Variants in TEX48 observed in about 807,000 individuals in gnomAD.
The protein encoded by TEX48 is testis expressed 48.
Under a neutral mutation model 13.2 loss-of-function variants are expected in TEX48, and 10 were observed. The observed-to-expected ratio is 0.75, with a 90% CI of 0.47 to 1.28. TEX48 has a LOEUF of 1.28. TEX48 is among the 50% of genes most tolerant of loss of function. TEX48 has a pLI of 0.00. For synonymous variants in TEX48, 45 were observed against 52.3 expected, an observed-to-expected ratio of 0.86 and a Z score of 0.60; for missense variants, 116 against 139.4, an observed-to-expected ratio of 0.83 and a Z score of 0.84.
chr9:114,681,796 A>G (rs969872565), intron 1 of TEX48, among the ~76,000 whole-genome samples: 8 of 131,558 alleles, frequency 6.1e-5, no homozygotes, highest in Non-Finnish European at 7.9e-5. Flanking sequence ...AGAAAGATGA[A>G]TGAGGTCAAA....
intron 1 of TEX48, among the ~76,000 whole-genome samples, chr9:114,678,188 TC>T (rs1828111834): frequency 6.6e-6 from 1 of 150,674 alleles, no homozygotes; most frequent in South Asian, 2.1e-4. Context: ...AAGACCTTAC[TC>T]TTACTCAAAC....
At position 114,679,327 on chromosome 9, in the gene TEX48, G is replaced by A. The variant is rs953319956; in HGVS notation, c.-105+2708C>T. On this transcript the variant is annotated intron_variant, in intron 1 of 4. Transcript: ENST00000436752. ...ACAACTGGCCCCTGAAATAAAGACA[G>A]GACCCAAATCTCCTCTGTTCTTTAA... Among the ~76,000 whole-genome samples, 4 of 150,074 alleles carry A rather than the reference G, an allele frequency of 2.7e-5. No individual in the cohort carries two copies. In the Admixed American group the frequency reaches 2.7e-4, roughly 10 times the overall value.
intron 1 of TEX48, among the ~76,000 whole-genome samples, chr9:114,679,074 T>C (rs1319255682): frequency 6.6e-6 from 1 of 151,902 alleles, no homozygotes; most frequent in African/African-American, 2.4e-5. Flanking sequence ...GATGAATCAA[T>C]AGGTGACTTA....
intron 1 of TEX48, among the ~76,000 whole-genome samples, chr9:114,679,413 C>A (rs1828143206): frequency 6.6e-6 from 1 of 151,886 alleles, no homozygotes; most frequent in African/African-American, 2.4e-5. Flanking sequence ...ATTAGAAGAA[C>A]TAATGTTCCA....
chr9:114,666,758 A>G lies in TEX48; in HGVS notation c.260-12T>C. On this transcript the variant is annotated splice_polypyrimidine_tract_variant and intron_variant, in intron 4 of 4. Coordinates refer to ENST00000436752, the MANE Select transcript of TEX48 (RefSeq NM_001199233.2). ...ATATGCATTCAGATCTGAAAGAAGA[A>G]AGGAAAAAATTATGCTGGGTGAAGG... 7.0e-7 allele frequency: 1 copy of G among 1,437,050 alleles called. No individual in the cohort carries two copies. Among genetic ancestry groups the G allele is most frequent in the Non-Finnish European group, 9.4e-7 (1 of 1,059,248 alleles). The allele number at this position is 1,437,050 out of a possible 1,614,324, so 89.0% of individuals were successfully genotyped here.
At chr9:114,675,621 T>C (rs1828045182) in intron 1 of TEX48, among the ~76,000 whole-genome samples, 1 of 152,220 alleles carries the variant, frequency 6.6e-6, no homozygotes, top group Non-Finnish European at 1.5e-5. Context: ...AACTTTCTCA[T>C]TGGTTTGTTT....
At chr9:114,668,448 A>C in intron 3 of TEX48, 111 bp from the exon 4 acceptor site, 4 of 894,342 alleles carry the variant, frequency 4.5e-6, no homozygotes, top group Non-Finnish European at 7.0e-6. Context: ...GGGGGTTATT[A>C]TGGGGTGGGG....
intron 3 of TEX48, among the ~76,000 whole-genome samples, chr9:114,668,921 C>G (rs1827891912): frequency 6.6e-6 from 1 of 152,108 alleles, no homozygotes; most frequent in African/African-American, 2.4e-5. Flanking sequence ...CCTGTAACCT[C>G]AAACTCCTAG....
chr9:114,680,048 C>T (rs982342714), intron 1 of TEX48, among the ~76,000 whole-genome samples: 1 of 151,238 alleles, frequency 6.6e-6, no homozygotes, highest in African/African-American at 2.4e-5. Context: ...ATGGTCATGC[C>T]AGGGAAATCA....
chr9:114,671,482 T>A lies in TEX48; in HGVS notation c.28A>T (p.Lys10Ter). 2.0e-6 allele frequency: 3 copies of A among 1,535,350 alleles called. No homozygotes were observed. In the East Asian group the frequency reaches 7.3e-5, roughly 38 times the overall value. Residue 10 changes from lysine (K) to a stop codon, truncating the protein, a stop_gained, in exon 3 of 5, where the codon AAG becomes TAG. Transcript: ENST00000436752. LOFTEE classifies it high-confidence loss of function. Reference protein sequence around the residue: MAAHQNLILKIFCLCCRDCQ... With the variant: MAAHQNLIL ...TCCCTGCAGCATAAACAGAAGATCT[T>A]CAAGATCAGGTTTTGGTGGGCTGCT...
At chr9:114,676,354 A>G (rs1828063464) in intron 1 of TEX48, among the ~76,000 whole-genome samples, 1 of 151,774 alleles carries the variant, frequency 6.6e-6, no homozygotes, top group Non-Finnish European at 1.5e-5. Context: ...TTGTTTTGGT[A>G]GAGATGGGAT....
intron 3 of TEX48, among the ~76,000 whole-genome samples, chr9:114,670,325 A>G (rs976456797): frequency 2.6e-5 from 4 of 152,108 alleles, no homozygotes; most frequent in African/African-American, 9.7e-5. Flanking sequence ...TTGTGACTCT[A>G]CTTCCAGGGA....
rs183286956 is a variant in TEX48, at chr9:114,674,342, G to T, written c.-104-2515C>A. 6.5e-3 allele frequency among the ~76,000 whole-genome samples: 982 copies of T among 151,944 alleles called. 30 individuals are homozygous for T. The South Asian group carries it at 0.084, about 13-fold the overall frequency. On this transcript the variant is annotated intron_variant, in intron 1 of 4. Coordinates refer to ENST00000436752, the MANE Select transcript of TEX48 (RefSeq NM_001199233.2). ...CAGCAAGCTCCCAACTCAACAATTT[G>T]TGCTTGTTTTACTCTCTGCCTGGAA...
chr9:114,676,956 G>T (rs1480737822), intron 1 of TEX48, among the ~76,000 whole-genome samples: 1 of 152,114 alleles, frequency 6.6e-6, no homozygotes, highest in Non-Finnish European at 1.5e-5. Flanking sequence ...CCCAGGGATG[G>T]GCACAGAATA....
chr9:114,674,201 C>G (rs1429125913), intron 1 of TEX48, among the ~76,000 whole-genome samples: 3 of 152,130 alleles, frequency 2.0e-5, no homozygotes, highest in African/African-American at 7.2e-5. Flanking sequence ...TTAAGATACT[C>G]TGTAATCTAA....
chr9:114,678,344 A>G (rs1189863736), intron 1 of TEX48, among the ~76,000 whole-genome samples: 1 of 152,192 alleles, frequency 6.6e-6, no homozygotes, highest in East Asian at 1.9e-4. Flanking sequence ...GAACAATCAC[A>G]TTGCACAACA....
At chr9:114,671,696 C>A in intron 2 of TEX48, 24 bp downstream of exon 2, 1 of 1,535,558 alleles carries the variant, frequency 6.5e-7, no homozygotes, top group Non-Finnish European at 8.7e-7. Flanking sequence ...CCATTTTTTC[C>A]TATTCTGTAC....
intron 1 of TEX48, among the ~76,000 whole-genome samples, chr9:114,678,800 C>G (rs1169254451): frequency 6.7e-6 from 1 of 148,462 alleles, no homozygotes; most frequent in Non-Finnish European, 1.5e-5. Context: ...TATAATCATG[C>G]CACTGCACTC....
intron 1 of TEX48, among the ~76,000 whole-genome samples, chr9:114,674,602 TTTCCTTCCTTCCTTCC>T (rs770645165): frequency 0.061 from 3,231 of 53,280 alleles, 119 homozygotes; most frequent in Middle Eastern, 0.17. Context: ...TCTCTTTTTC[TTTCCTTCCTTCCTTCC>T]TTCCTTCCTT....
Sources: gnomAD v4.1 joint callset for allele counts (sites outside exome capture counted in the v4.1 genomes callset) on GRCh38, gnomAD v4.1.1 for gene constraint, MANE v1.5 for transcripts, NCBI Gene and HGNC (gene_info 2026-07-23, HGNC 2026-07-21) for gene names.